The following SULF1 variants were observed in gnomAD, a reference collection of about 807,000 sequenced individuals.
The protein encoded by SULF1 is sulfatase 1, also known as extracellular sulfatase Sulf-1.
In SULF1, 46 loss-of-function variants were observed where a neutral mutation model predicts 110.5. The ratio of observed to expected loss-of-function variants is 0.42; its 90% confidence interval spans 0.33 to 0.53. The LOEUF is 0.53. Among genes scored for constraint, SULF1 ranks in the 20% least tolerant of loss-of-function variants. The pLI is 0.12. For synonymous variants in SULF1, 371 were observed against 387.1 expected, an observed-to-expected ratio of 0.96 and a Z score of 0.49; for missense variants, 941 against 1,094.2, an observed-to-expected ratio of 0.86 and a Z score of 1.98.
chr8:69,656,170 T>C (rs1276858489), intron 22 of SULF1, among the ~76,000 whole-genome samples: 3 of 152,268 alleles, frequency 2.0e-5, no homozygotes, highest in Admixed American at 6.5e-5. Flanking sequence ...TCCATCCTCA[T>C]ATGCTTGATT....
chr8:69,471,094 G>A (rs1226169994), intron 1 of SULF1, among the ~76,000 whole-genome samples: 1 of 152,110 alleles, frequency 6.6e-6, no homozygotes, highest in Non-Finnish European at 1.5e-5. Context: ...CTCTCTGACC[G>A]CTACCTCTTC....
At chr8:69,539,207 C>T (rs996773846) in intron 3 of SULF1, among the ~76,000 whole-genome samples, 4 of 152,116 alleles carry the variant, frequency 2.6e-5, no homozygotes, top group Admixed American at 2.6e-4. Flanking sequence ...TTGGAAAGAA[C>T]AACTTAAAAG....
chr8:69,620,776 GT>G (rs1809534645), intron 13 of SULF1, among the ~76,000 whole-genome samples: 1 of 152,168 alleles, frequency 6.6e-6, no homozygotes, highest in Non-Finnish European at 1.5e-5. Flanking sequence ...TCATATATCA[GT>G]TTTTGGCTCT....
chr8:69,609,985 C>T (rs1808517880), intron 13 of SULF1, among the ~76,000 whole-genome samples: 1 of 152,140 alleles, frequency 6.6e-6, no homozygotes, highest in African/African-American at 2.4e-5. Context: ...ATAGGAGCTA[C>T]ATAAAAGAGA....
intron 21 of SULF1, among the ~76,000 whole-genome samples, chr8:69,640,049 C>T (rs376070454): frequency 6.7e-6 from 1 of 149,588 alleles, no homozygotes; most frequent in East Asian, 2.0e-4. Flanking sequence ...ATCTGTTGAC[C>T]TTTTCCTCAA....
chr8:69,568,121 G>A (rs1225206219), intron 5 of SULF1, among the ~76,000 whole-genome samples: 2 of 152,182 alleles, frequency 1.3e-5, no homozygotes, highest in African/African-American at 4.8e-5. Flanking sequence ...TCTTTGCCAA[G>A]TGCTTTAATA....
At chr8:69,485,384 G>A (rs777153619) in intron 1 of SULF1, among the ~76,000 whole-genome samples, 3 of 152,070 alleles carry the variant, frequency 2.0e-5, no homozygotes, top group Non-Finnish European at 4.4e-5. Flanking sequence ...AACTGCATTC[G>A]TGAAATCAAT....
At chr8:69,493,182 G>A (rs1239075490) in intron 1 of SULF1, 57 bp downstream of exon 1, 5 of 152,500 alleles carry the variant, frequency 3.3e-5, no homozygotes, top group Non-Finnish European at 7.3e-5. Context: ...TTTCCTTCCT[G>A]TCCCTGTCCT....
intron 22 of SULF1, among the ~76,000 whole-genome samples, chr8:69,651,625 T>C (rs1008596392): frequency 1.2e-4 from 18 of 152,176 alleles, no homozygotes; most frequent in Non-Finnish European, 2.5e-4. Flanking sequence ...GCTCAGATAA[T>C]TATTCTCTTT....
intron 22 of SULF1, among the ~76,000 whole-genome samples, chr8:69,652,069 G>A (rs75524159): frequency 0.041 from 6,289 of 152,194 alleles, 178 homozygotes; most frequent in African/African-American, 0.079. Context: ...ATACAAAAAT[G>A]TAGCCAATCT....
intron 1 of SULF1, among the ~76,000 whole-genome samples, chr8:69,472,968 C>G (rs955318325): frequency 2.0e-5 from 3 of 152,206 alleles, no homozygotes; most frequent in African/African-American, 7.2e-5. Flanking sequence ...TCATGAGTAG[C>G]TAGGATTGCC....
At chr8:69,541,598 A>G (rs1252100206) in intron 3 of SULF1, among the ~76,000 whole-genome samples, 1 of 152,268 alleles carries the variant, frequency 6.6e-6, no homozygotes, top group South Asian at 2.1e-4. Context: ...AAGCAAGCAC[A>G]GTAATCTCTG....
chr8:69,514,563 A>G (rs962530492), intron 3 of SULF1, among the ~76,000 whole-genome samples: 7 of 152,328 alleles, frequency 4.6e-5, no homozygotes, highest in Middle Eastern at 3.4e-3. Context: ...TCCTTGTCAC[A>G]TTTCAAAATA....
chr8:69,582,012 A>G (rs1270566882), intron 6 of SULF1, among the ~76,000 whole-genome samples: 3 of 152,206 alleles, frequency 2.0e-5, no homozygotes, highest in African/African-American at 4.8e-5. Flanking sequence ...AACAAGGACT[A>G]TTAAAAGACT....
chr8:69,576,295 T>C, intron 6 of SULF1, 86 bp downstream of exon 6: 1 of 1,455,498 alleles, frequency 6.9e-7, no homozygotes. Flanking sequence ...ATGCATGAAG[T>C]TCCAACAAAT....
In SULF1 at chr8:69,493,154, AAAAG is replaced by A. The variant is rs1810051802; in HGVS notation, c.-391+36_-391+39del. 3 of 152,620 alleles carry A rather than the reference AAAAG, an allele frequency of 2.0e-5. No homozygotes were observed. In the South Asian group the frequency reaches 6.2e-4, roughly 32 times the overall value. The allele number at this position is 152,620 out of a possible 1,614,324, so 9.5% of individuals were successfully genotyped here. A position where few individuals can be genotyped will look rare whatever the true frequency, so the allele number is the denominator to read the frequency against. On this transcript the variant is annotated intron_variant, in intron 1 of 22. Transcript: ENST00000402687. ...AGTATCGTGCTCTGCTTTTACTTTA[AAAAG>A]AAAGAAGACAAACTTTCCTTCCTGT... is the stretch of plus-strand genomic sequence containing the variant.
intron 22 of SULF1, among the ~76,000 whole-genome samples, chr8:69,655,981 T>G (rs574058811): frequency 3.9e-5 from 6 of 152,226 alleles, no homozygotes; most frequent in Non-Finnish European, 8.8e-5. Context: ...CCCCATTGAT[T>G]TCTTGGACAA....
intron 3 of SULF1, among the ~76,000 whole-genome samples, chr8:69,508,297 G>T (rs1159007827): frequency 6.6e-6 from 1 of 152,034 alleles, no homozygotes; most frequent in Non-Finnish European, 1.5e-5. Context: ...TAGAGACGGG[G>T]TTTCTCCATG....
At chr8:69,609,073 A>G (rs1808442599) in intron 13 of SULF1, among the ~76,000 whole-genome samples, 1 of 152,014 alleles carries the variant, frequency 6.6e-6, no homozygotes, top group Non-Finnish European at 1.5e-5. Context: ...ACGGCAGCTT[A>G]TGGCTTACTC....
Sources: allele counts gnomAD v4.1 joint callset (sites outside exome capture counted in the v4.1 genomes callset), GRCh38; gene constraint gnomAD v4.1.1; transcripts MANE v1.5; gene names NCBI Gene and HGNC (gene_info 2026-07-23, HGNC 2026-07-21).